Variants in KLF12 observed in about 807,000 individuals in gnomAD.
The protein encoded by KLF12 is Krueppel-like factor 12.
Under a neutral mutation model 37.8 loss-of-function variants are expected in KLF12, and 9 were observed. The observed-to-expected ratio is 0.24, with a 90% CI of 0.14 to 0.42. The LOEUF (loss-of-function observed/expected upper bound fraction) is 0.42. Among genes scored for constraint, KLF12 ranks in the 10% least tolerant of loss-of-function variants. KLF12 has a pLI of 1.00. For missense variants in KLF12, 411 were observed against 516.0 expected (o/e 0.80, Z 1.97); for synonymous variants, 208 against 202.1 (o/e 1.03, Z -0.25).
chr13:74,269,433 C>A, the KLF12 span, among the ~76,000 whole-genome samples: 5,334 of 151,980 alleles, frequency 0.035, 305 homozygotes, highest in African/African-American at 0.12. Context: ...ACAGGCTGAA[C>A]AATATTTATG....
At position 73,875,140 on chromosome 13, in the gene KLF12, A is replaced by AG. The variant is rs1332254368; in HGVS notation, c.124-28768_124-28767insC. Among the ~76,000 whole-genome samples, 4 of 107,674 alleles carry AG rather than the reference A, an allele frequency of 3.7e-5. No individual in the cohort carries two copies. The East Asian group carries it at 1.2e-3, about 32-fold the overall frequency. 70.6% of individuals were successfully genotyped at this position (107,674 alleles called of 152,430 possible). On this transcript the variant is annotated intron_variant, in intron 3 of 7. Transcript: ENST00000377669. Reference sequence around the variant, plus strand: ...ACTCGCCAATCAATACTAAAAAAAAAAGAACTTGAACAGATTTACTTTGTA... The same window carrying AG: ...ACTCGCCAATCAATACTAAAAAAAAAGAGAACTTGAACAGATTTACTTTGTA...
intron 2 of KLF12, among the ~76,000 whole-genome samples, chr13:73,952,563 C>T (rs886094797): frequency 6.6e-6 from 1 of 152,042 alleles, no homozygotes; most frequent in Non-Finnish European, 1.5e-5. Flanking sequence ...GACACAGAGC[C>T]GAGCCATATC....
intron 3 of KLF12, among the ~76,000 whole-genome samples, chr13:73,885,882 A>C (rs1052165414): frequency 1.3e-5 from 2 of 152,226 alleles, no homozygotes; most frequent in Non-Finnish European, 1.5e-5. Flanking sequence ...TCCAGATAAA[A>C]GGCATTTTTA....
At chr13:73,774,008 A>G (rs994069669) in intron 5 of KLF12, among the ~76,000 whole-genome samples, 18 of 152,248 alleles carry the variant, frequency 1.2e-4, no homozygotes, top group Non-Finnish European at 2.4e-4. Flanking sequence ...TGCCCTTCAT[A>G]GCACTTAGAA....
chr13:73,884,782 G>C (rs1473222176), intron 3 of KLF12, among the ~76,000 whole-genome samples: 1 of 152,210 alleles, frequency 6.6e-6, no homozygotes, highest in Non-Finnish European at 1.5e-5. Flanking sequence ...CAGGAGATTA[G>C]TGTTCACAAT....
intron 5 of KLF12, among the ~76,000 whole-genome samples, chr13:73,799,006 C>T (rs773804593): frequency 4.6e-5 from 7 of 152,134 alleles, no homozygotes; most frequent in Non-Finnish European, 1.0e-4. Context: ...GACATGGACT[C>T]AACCTAAATG....
chr13:74,111,352 AT>A, intron 1 of KLF12, among the ~76,000 whole-genome samples: 1 of 152,246 alleles, frequency 6.6e-6, no homozygotes, highest in East Asian at 1.9e-4. Flanking sequence ...TATTCTTGTC[AT>A]TTAAGGTACC....
chr13:73,957,531 C>G (rs909995068), intron 2 of KLF12, among the ~76,000 whole-genome samples: 2 of 152,110 alleles, frequency 1.3e-5, no homozygotes, highest in African/African-American at 4.8e-5. Flanking sequence ...CTACAATTAC[C>G]CAAATTAATA....
chr13:74,201,741 A>G, the KLF12 span, among the ~76,000 whole-genome samples: 1 of 152,160 alleles, frequency 6.6e-6, no homozygotes, highest in Non-Finnish European at 1.5e-5. Context: ...GATGGTTCCA[A>G]TTGCTAGTTT....
intron 1 of KLF12, among the ~76,000 whole-genome samples, chr13:74,030,641 A>G (rs1893090252): frequency 6.6e-6 from 1 of 152,134 alleles, no homozygotes; most frequent in African/African-American, 2.4e-5. Flanking sequence ...TATTTAAGCC[A>G]ATTAGTATCA....
the KLF12 span, among the ~76,000 whole-genome samples, chr13:74,234,770 C>T: frequency 2.0e-5 from 3 of 151,468 alleles, no homozygotes; most frequent in Non-Finnish European, 2.9e-5. Context: ...CTTCGGAGAT[C>T]TCTTTCCAAA....
At chr13:74,243,287 A>AT in the KLF12 span, among the ~76,000 whole-genome samples, 27,784 of 151,738 alleles carry the variant, frequency 0.18, 4,114 homozygotes, top group African/African-American at 0.41. Flanking sequence ...ACATGAATTC[A>AT]TTTTTTTTAT....
At chr13:73,777,982 C>T (rs1880725650) in intron 5 of KLF12, among the ~76,000 whole-genome samples, 1 of 151,178 alleles carries the variant, frequency 6.6e-6, no homozygotes, top group Non-Finnish European at 1.5e-5. Context: ...GAATACAAAA[C>T]AATCAGCTGG....
chr13:74,253,001 ATCTATCTATCTATCTATCTATCTG>A, the KLF12 span, among the ~76,000 whole-genome samples: 18 of 128,622 alleles, frequency 1.4e-4, no homozygotes, highest in African/African-American at 4.0e-4. Context: ...CTATCTATCT[ATCTATCTATCTATCTATCTATCTG>A]TCTGTCTATC....
intron 7 of KLF12, among the ~76,000 whole-genome samples, chr13:73,709,544 T>G (rs1467368248): frequency 6.6e-6 from 1 of 152,198 alleles, no homozygotes; most frequent in Non-Finnish European, 1.5e-5. Context: ...TTATACATAA[T>G]TATAAATCAG....
chr13:74,238,401 C>G, the KLF12 span, among the ~76,000 whole-genome samples: 20 of 137,298 alleles, frequency 1.5e-4, no homozygotes, highest in African/African-American at 5.8e-4. Flanking sequence ...CTAAAATTCT[C>G]TTTTTTGGTT....
intron 3 of KLF12, among the ~76,000 whole-genome samples, chr13:73,938,099 G>T (rs546544054): frequency 6.2e-4 from 95 of 152,270 alleles, no homozygotes; most frequent in Non-Finnish European, 9.6e-4. Flanking sequence ...GTCAAACGCT[G>T]GCCCCTGTTC....
chr13:74,222,417 A>G, the KLF12 span, among the ~76,000 whole-genome samples: 1 of 152,248 alleles, frequency 6.6e-6, no homozygotes, highest in African/African-American at 2.4e-5. Context: ...CAAAAAGCAC[A>G]TGAGTGTGTT....
intron 4 of KLF12, among the ~76,000 whole-genome samples, chr13:73,835,087 A>G (rs1884362098): frequency 6.7e-6 from 1 of 149,740 alleles, no homozygotes; most frequent in Non-Finnish European, 1.5e-5. Flanking sequence ...TTTTGGCCCA[A>G]ATCAAATATA....
Sources: gnomAD v4.1 joint callset for allele counts (sites outside exome capture counted in the v4.1 genomes callset) on GRCh38, gnomAD v4.1.1 for gene constraint, MANE v1.5 for transcripts, NCBI Gene and HGNC (gene_info 2026-07-23, HGNC 2026-07-21) for gene names.